Variants in SLC2A13 observed in about 807,000 individuals in gnomAD.
SLC2A13 encodes the protein solute carrier family 2 member 13.
Under a neutral mutation model 64.4 loss-of-function variants are expected in SLC2A13, and 32 were observed. The ratio of observed to expected loss-of-function variants is 0.50; its 90% CI spans 0.37 to 0.67. The LOEUF (loss-of-function observed/expected upper bound fraction) is 0.67. Among genes scored for constraint, SLC2A13 ranks in the 30% least tolerant of loss-of-function variants. SLC2A13 has a pLI of 0.00. For missense variants in SLC2A13, 743 were observed against 829.2 expected, an observed-to-expected ratio of 0.90 and a Z score of 1.28; for synonymous variants, 338 against 327.1, an observed-to-expected ratio of 1.03 and a Z score of -0.36.
chr12:39,796,454 CA>C (rs1941579599), intron 7 of SLC2A13, among the ~76,000 whole-genome samples: 1 of 142,922 alleles, frequency 7.0e-6, no homozygotes, highest in African/African-American at 2.6e-5. Context: ...CCTAAACAAA[CA>C]AAAAAAGAAA....
chr12:39,962,030 C>T (rs181953462), intron 3 of SLC2A13, among the ~76,000 whole-genome samples: 3 of 152,188 alleles, frequency 2.0e-5, no homozygotes, highest in Non-Finnish European at 1.5e-5. Flanking sequence ...TTATCAAATG[C>T]CTTTTCTCCC....
At chr12:40,089,895 A>G (rs534461307) in intron 1 of SLC2A13, among the ~76,000 whole-genome samples, 2 of 152,300 alleles carry the variant, frequency 1.3e-5, no homozygotes, top group Non-Finnish European at 2.9e-5. Context: ...GGATTTGACA[A>G]GCACAGAGCT....
At chr12:39,982,967 T>G (rs905611579) in intron 3 of SLC2A13, among the ~76,000 whole-genome samples, 21 of 141,580 alleles carry the variant, frequency 1.5e-4, no homozygotes, top group Non-Finnish European at 3.3e-4. Flanking sequence ...ATGGTACTGG[T>G]ACCAAAACAG....
intron 7 of SLC2A13, among the ~76,000 whole-genome samples, chr12:39,793,906 CTT>C (rs1941485887): frequency 6.6e-6 from 1 of 152,026 alleles, no homozygotes. Flanking sequence ...ATTCTAATGA[CTT>C]TTATCTCAGT....
intron 7 of SLC2A13, among the ~76,000 whole-genome samples, chr12:39,789,409 T>C (rs1183056990): frequency 6.6e-6 from 1 of 152,198 alleles, no homozygotes; most frequent in Non-Finnish European, 1.5e-5. Flanking sequence ...CATCATGATA[T>C]ACACTTTATG....
rs192319684 is a variant in SLC2A13, at chr12:40,095,876, C to G, written c.556+9377G>C. ...GCAATTTATTTTACAAGCAGAAAATCATATTTTCCTAGGGAACAACTTAGC... is the reference window on the plus strand; with the variant it reads ...GCAATTTATTTTACAAGCAGAAAATGATATTTTCCTAGGGAACAACTTAGC... On this transcript the variant is annotated intron_variant, in intron 1 of 9. Coordinates refer to ENST00000280871, the MANE Select transcript of SLC2A13 (RefSeq NM_052885.4). Among the ~76,000 whole-genome samples the G allele has an allele frequency of 2.0e-3, 305 of 152,228 alleles. 2 individuals carry two copies. Among genetic ancestry groups the G allele is most frequent in the South Asian group, 3.5e-3 (17 of 4,820 alleles).
intron 7 of SLC2A13, among the ~76,000 whole-genome samples, chr12:39,773,112 A>C (rs1940644677): frequency 6.6e-6 from 1 of 152,260 alleles, no homozygotes; most frequent in Non-Finnish European, 1.5e-5. Flanking sequence ...GAAAAGGAAC[A>C]AAAATACTTT....
chr12:39,903,736 C>T (rs1202266205), intron 4 of SLC2A13, among the ~76,000 whole-genome samples: 1 of 152,102 alleles, frequency 6.6e-6, no homozygotes, highest in Non-Finnish European at 1.5e-5. Flanking sequence ...TTGAGCTGTG[C>T]ATCCAACTGA....
chr12:39,886,888 C>T (rs1944477327), intron 4 of SLC2A13, among the ~76,000 whole-genome samples: 1 of 152,184 alleles, frequency 6.6e-6, no homozygotes, highest in African/African-American at 2.4e-5. Context: ...GAGCACTTAA[C>T]TAAATGCCAA....
intron 4 of SLC2A13, among the ~76,000 whole-genome samples, chr12:39,899,329 C>T (rs1222707794): frequency 1.3e-5 from 2 of 152,048 alleles, no homozygotes; most frequent in African/African-American, 4.8e-5. Flanking sequence ...GTGGTGATAT[C>T]CCCTTTATCA....
chr12:40,032,230 TG>T (rs1947916499), intron 2 of SLC2A13, among the ~76,000 whole-genome samples: 1 of 152,106 alleles, frequency 6.6e-6, no homozygotes, highest in East Asian at 1.9e-4. Context: ...AGGGTAAACA[TG>T]AACAACAAGC....
chr12:39,780,439 A>T (rs1420311005), intron 7 of SLC2A13, among the ~76,000 whole-genome samples: 1 of 152,206 alleles, frequency 6.6e-6, no homozygotes, highest in Non-Finnish European at 1.5e-5. Flanking sequence ...AACAGCAGTG[A>T]AGTAAGCCAC....
At chr12:39,862,045 A>G (rs984392410) in intron 6 of SLC2A13, among the ~76,000 whole-genome samples, 2 of 152,116 alleles carry the variant, frequency 1.3e-5, no homozygotes, top group Non-Finnish European at 2.9e-5. Context: ...ACTGCCCCCT[A>G]ACAGGCGCCA....
intron 9 of SLC2A13, 71 bp from the exon 10 acceptor site, chr12:39,760,323 A>C: frequency 5.6e-6 from 8 of 1,431,258 alleles, no homozygotes; most frequent in Non-Finnish European, 7.6e-6. Flanking sequence ...AGATTACTTG[A>C]TTTTGACTTT....
intron 2 of SLC2A13, 141 bp downstream of exon 2, chr12:40,047,910 G>T: frequency 1.4e-6 from 1 of 704,316 alleles, no homozygotes; most frequent in Non-Finnish European, 2.2e-6. Flanking sequence ...TCCACTCTCA[G>T]TTTTGCTGAA....
At chr12:40,089,108 T>C (rs966791431) in intron 1 of SLC2A13, among the ~76,000 whole-genome samples, 1 of 152,176 alleles carries the variant, frequency 6.6e-6, no homozygotes. Context: ...AATGGCAGAA[T>C]GAATCACTGA....
intron 4 of SLC2A13, among the ~76,000 whole-genome samples, chr12:39,896,593 C>T (rs541442715): frequency 6.1e-4 from 92 of 150,314 alleles, no homozygotes; most frequent in Non-Finnish European, 1.1e-3. Flanking sequence ...TATATGTATA[C>T]ATATATGTAT....
chr12:39,960,584 T>A (rs1181187329), intron 3 of SLC2A13, among the ~76,000 whole-genome samples: 1 of 152,150 alleles, frequency 6.6e-6, no homozygotes, highest in Non-Finnish European at 1.5e-5. Context: ...TTCACCATGT[T>A]GGCCAGGCTG....
At chr12:39,916,012 A>G (rs1945516344) in intron 4 of SLC2A13, among the ~76,000 whole-genome samples, 1 of 151,944 alleles carries the variant, frequency 6.6e-6, no homozygotes, top group African/African-American at 2.4e-5. Context: ...GAATTTAATC[A>G]TTCTAATAGG....
Sources: allele counts gnomAD v4.1 joint callset (sites outside exome capture counted in the v4.1 genomes callset), GRCh38; gene constraint gnomAD v4.1.1; transcripts MANE v1.5; gene names NCBI Gene and HGNC (gene_info 2026-07-23, HGNC 2026-07-21).